The following RBFOX1 variants were observed in gnomAD, a reference collection of about 807,000 sequenced individuals.
The protein encoded by RBFOX1 is RNA binding fox-1 homolog 1, also known as RNA binding protein fox-1 homolog 1.
Under a neutral mutation model 57.7 loss-of-function variants are expected in RBFOX1, and 8 were observed. The observed-to-expected ratio is 0.14, with a 90% confidence interval of 0.08 to 0.25. RBFOX1 has a LOEUF of 0.25. Among genes scored for constraint, RBFOX1 ranks in the 10% least tolerant of loss-of-function variants. The pLI, the probability that RBFOX1 is intolerant of heterozygous loss-of-function variation, is 1.00. For missense variants in RBFOX1, 611 were observed against 548.5 expected, an observed-to-expected ratio of 1.11 and a Z score of -1.14; for synonymous variants, 326 against 222.4, an observed-to-expected ratio of 1.47 and a Z score of -4.15.
chr16:7,360,934 G>C (rs138562576), intron 4 of RBFOX1, among the ~76,000 whole-genome samples: 1 of 152,156 alleles, frequency 6.6e-6, no homozygotes, highest in Non-Finnish European at 1.5e-5. Context: ...CATCCACTGC[G>C]TATGAGTTTT....
Position 5,971,254 on chromosome 16 carries a change from T to A in RBFOX1, c.351+103919T>A, listed in dbSNP as rs111537372. On this transcript the variant is annotated intron_variant, in intron 4 of 19. Coordinates refer to the RBFOX1 transcript ENST00000641259. ...TGGTGAGGATGTATTTCTGAGCTGA[T>A]TCTGAGCCAAATCAGTTTAGGCTCC... Among the ~76,000 whole-genome samples, 309 of 152,344 alleles carry A rather than the reference T, an allele frequency of 2.0e-3. 1 individual carries two copies. The highest frequency in any genetic ancestry group is 7.0e-3 in the African/African-American group (290 of 41,588).
At chr16:6,490,225 C>T (rs1442704740) in intron 2 of RBFOX1, among the ~76,000 whole-genome samples, 1 of 152,140 alleles carries the variant, frequency 6.6e-6, no homozygotes, top group Non-Finnish European at 1.5e-5. Flanking sequence ...GCCAATTTGA[C>T]ACATTTTATT....
At chr16:5,689,709 T>A (rs149928503) in intron 3 of RBFOX1, among the ~76,000 whole-genome samples, 194 of 152,224 alleles carry the variant, frequency 1.3e-3, no homozygotes, top group African/African-American at 4.5e-3. Flanking sequence ...TTGAACTGTA[T>A]GTCCCAGGAA....
intron 3 of RBFOX1, among the ~76,000 whole-genome samples, chr16:6,786,285 G>C (rs1035710957): frequency 6.6e-6 from 1 of 152,148 alleles, no homozygotes; most frequent in African/African-American, 2.4e-5. Flanking sequence ...TTGGCTCTGA[G>C]ATCTCTTAAC....
At chr16:7,390,029 C>A (rs188132386) in intron 4 of RBFOX1, among the ~76,000 whole-genome samples, 164 of 152,288 alleles carry the variant, frequency 1.1e-3, no homozygotes, top group African/African-American at 3.6e-3. Flanking sequence ...AACTTATAAT[C>A]ATGGCAGAAG....
chr16:7,534,419 G>C (rs6500978), intron 5 of RBFOX1, among the ~76,000 whole-genome samples: 137,665 of 152,030 alleles, frequency 0.91, 62,677 homozygotes, highest in Non-Finnish European at 0.94. Flanking sequence ...AAACACTGAG[G>C]ACACACAATA....
chr16:5,645,426 G>A lies in RBFOX1; in HGVS notation c.318+46465G>A, dbSNP rs562581355. ...GAGAGGTTTAGGAGAGCTGGGATGAGGTTTCTTTTAAGAGTGATAATGTTT... is the reference window on the plus strand; with the variant it reads ...GAGAGGTTTAGGAGAGCTGGGATGAAGTTTCTTTTAAGAGTGATAATGTTT... On this transcript the variant is annotated intron_variant, in intron 3 of 19. Coordinates refer to the RBFOX1 transcript ENST00000641259. Among the ~76,000 whole-genome samples the A allele has an allele frequency of 3.4e-3, 517 of 152,252 alleles. 2 individuals carry two copies. The highest frequency in any genetic ancestry group is 0.012 in the African/African-American group (495 of 41,548).
Position 7,343,646 on chromosome 16 carries a change from C to G in RBFOX1, c.28-174501C>G, listed in dbSNP as rs867944158. ...ATGAGGCTGTGTGTGAGGGGTTTCA[C>G]TTGTCGTACCTAATTGAAGTAATAT... On this transcript the variant is annotated intron_variant, in intron 4 of 15. Coordinates refer to ENST00000550418, the MANE Select transcript of RBFOX1 (RefSeq NM_018723.4). Among the ~76,000 whole-genome samples, 4 of 152,126 alleles carry G rather than the reference C, an allele frequency of 2.6e-5. No individual in the cohort carries two copies. In the South Asian group the frequency reaches 8.3e-4, roughly 32 times the overall value.
At chr16:7,577,729 C>T (rs768962888) in intron 5 of RBFOX1, among the ~76,000 whole-genome samples, 4 of 152,166 alleles carry the variant, frequency 2.6e-5, no homozygotes, top group Non-Finnish European at 5.9e-5. Context: ...CTTAGTGTGA[C>T]CCAGGCTCTG....
intron 2 of RBFOX1, among the ~76,000 whole-genome samples, chr16:6,573,156 A>G (rs1382188745): frequency 6.6e-6 from 1 of 152,106 alleles, no homozygotes. Flanking sequence ...TTTCACCACT[A>G]CCAGAGACTT....
chr16:7,076,424 G>C (rs960228467), intron 4 of RBFOX1, among the ~76,000 whole-genome samples: 1 of 151,970 alleles, frequency 6.6e-6, no homozygotes, highest in African/African-American at 2.4e-5. Context: ...ACCAAGAAGA[G>C]TCCCATGCTT....
At chr16:6,689,823 C>T (rs1440165547) in intron 3 of RBFOX1, among the ~76,000 whole-genome samples, 3 of 152,104 alleles carry the variant, frequency 2.0e-5, no homozygotes, top group Non-Finnish European at 2.9e-5. Flanking sequence ...ACTTCTTGAG[C>T]GAGGGCAGTA....
intron 4 of RBFOX1, among the ~76,000 whole-genome samples, chr16:7,230,316 A>G (rs17738170): frequency 0.27 from 40,453 of 152,058 alleles, 7,030 homozygotes; most frequent in East Asian, 0.69. Flanking sequence ...CAAAACATCA[A>G]TAATTCAATA....
intron 14 of RBFOX1, among the ~76,000 whole-genome samples, chr16:7,706,236 C>T (rs1243950930): frequency 1.3e-5 from 2 of 152,206 alleles, no homozygotes; most frequent in South Asian, 2.1e-4. Flanking sequence ...TTTGAGCTGA[C>T]ATGATCTCTT....
chr16:6,030,948 T>G (rs956520650), intron 1 of RBFOX1, among the ~76,000 whole-genome samples: 4 of 152,198 alleles, frequency 2.6e-5, no homozygotes, highest in Non-Finnish European at 4.4e-5. Context: ...TGACCAATAT[T>G]GACATCATCT....
chr16:6,818,791 A>G (rs1407252260), intron 3 of RBFOX1, among the ~76,000 whole-genome samples: 1 of 152,130 alleles, frequency 6.6e-6, no homozygotes, highest in Non-Finnish European at 1.5e-5. Flanking sequence ...CACTGATGCC[A>G]TTTCATCCTC....
In RBFOX1 at chr16:6,257,153, C is replaced by G. The variant is rs1489391408; in HGVS notation, c.-126-59842C>G. Among the ~76,000 whole-genome samples, 5 of 152,208 alleles carry G rather than the reference C, an allele frequency of 3.3e-5. No homozygotes were observed. The East Asian group carries it at 5.8e-4, about 18-fold the overall frequency. On this transcript the variant is annotated intron_variant, in intron 1 of 15. Transcript: ENST00000550418. Reference sequence around the variant, plus strand: ...TTCCAGGATACATGTGCAGGACATGCAGGTTTGTTCCACAGGTAAACATGT... The same window carrying G: ...TTCCAGGATACATGTGCAGGACATGGAGGTTTGTTCCACAGGTAAACATGT...
chr16:7,088,157 G>A (rs932433116), intron 4 of RBFOX1, among the ~76,000 whole-genome samples: 1 of 152,166 alleles, frequency 6.6e-6, no homozygotes, highest in Non-Finnish European at 1.5e-5. Flanking sequence ...TTGGGGGGAT[G>A]TACGGTTTTC....
At chr16:7,288,152 T>C (rs552813630) in intron 4 of RBFOX1, among the ~76,000 whole-genome samples, 188 of 152,256 alleles carry the variant, frequency 1.2e-3, no homozygotes, top group African/African-American at 4.5e-3. Flanking sequence ...TGGTTTAAGA[T>C]ACCCACAAGC....
Sources: allele counts gnomAD v4.1 joint callset (sites outside exome capture counted in the v4.1 genomes callset), GRCh38; gene constraint gnomAD v4.1.1; transcripts MANE v1.5; gene names NCBI Gene and HGNC (gene_info 2026-07-23, HGNC 2026-07-21).